CPNE4: variants seen among roughly 807,000 people sequenced by gnomAD.
CPNE4 encodes copine 4, also known as copine-4.
Under a neutral mutation model 67.9 loss-of-function variants are expected in CPNE4, and 25 were observed. The observed-to-expected ratio is 0.37, with a 90% CI of 0.27 to 0.51. The LOEUF (loss-of-function observed/expected upper bound fraction) is 0.51, where lower values mean the gene tolerates loss of function less well. CPNE4 is among the 20% of genes least tolerant of loss of function. The pLI, the probability that CPNE4 is intolerant of heterozygous loss-of-function variation, is 0.93. For missense variants in CPNE4, 464 were observed against 690.8 expected, an observed-to-expected ratio of 0.67 and a Z score of 3.68; for synonymous variants, 242 against 244.9, an observed-to-expected ratio of 0.99 and a Z score of 0.11.
intron 7 of CPNE4, among the ~76,000 whole-genome samples, chr3:131,659,277 A>T (rs1225122880): frequency 1.3e-5 from 2 of 151,770 alleles, no homozygotes; most frequent in South Asian, 4.2e-4. Flanking sequence ...CAGAATTTCT[A>T]CTCAGAATAA....
At chr3:131,749,483 T>C (rs1351930415) in intron 2 of CPNE4, among the ~76,000 whole-genome samples, 1 of 152,110 alleles carries the variant, frequency 6.6e-6, no homozygotes, top group Non-Finnish European at 1.5e-5. Flanking sequence ...TTGATAATGT[T>C]TTTGAGTTCT....
chr3:131,698,250 A>AAAAAAAG (rs1560135457), intron 4 of CPNE4, among the ~76,000 whole-genome samples: 3 of 141,000 alleles, frequency 2.1e-5, no homozygotes, highest in Non-Finnish European at 4.6e-5. Flanking sequence ...AAAAAAAAAA[A>AAAAAAAG]AAAGAAAGAA....
intron 2 of CPNE4, among the ~76,000 whole-genome samples, chr3:131,853,459 A>T (rs1191032629): frequency 2.6e-5 from 4 of 151,920 alleles, no homozygotes; most frequent in Admixed American, 1.3e-4. Flanking sequence ...CTAGAACTAT[A>T]AAATGTCAAG....
At chr3:131,641,706 C>A (rs114249380) in intron 7 of CPNE4, among the ~76,000 whole-genome samples, 2,356 of 152,240 alleles carry the variant, frequency 0.015, 35 homozygotes, top group South Asian at 0.046. Flanking sequence ...GATACCTGTA[C>A]ATGCATGTTT....
At chr3:131,585,957 G>T (rs891647912) in intron 8 of CPNE4, among the ~76,000 whole-genome samples, 2 of 152,116 alleles carry the variant, frequency 1.3e-5, no homozygotes, top group African/African-American at 4.8e-5. Flanking sequence ...TAAGTGGAAA[G>T]CTGCCATTGT....
chr3:131,735,778 T>A (rs2082220975), intron 2 of CPNE4, among the ~76,000 whole-genome samples: 1 of 151,112 alleles, frequency 6.6e-6, no homozygotes, highest in Non-Finnish European at 1.5e-5. Flanking sequence ...ACATACTGTT[T>A]GTTCAGTATT....
chr3:131,809,717 T>C lies in CPNE4; in HGVS notation c.181-86092A>G, dbSNP rs539269837. On this transcript the variant is annotated intron_variant, in intron 2 of 15. Transcript: ENST00000429747. ...AGCTTCAATGTTTATTTAATATGAA[T>C]GAGAAAAGGTAATATCACCTGATAG... Among the ~76,000 whole-genome samples, 9 of 152,232 alleles carry C rather than the reference T, an allele frequency of 5.9e-5. No individual in the cohort carries two copies. The East Asian group carries it at 1.7e-3, about 29-fold the overall frequency.
chr3:131,583,174 G>A (rs1343823092), intron 8 of CPNE4, among the ~76,000 whole-genome samples: 1 of 152,144 alleles, frequency 6.6e-6, no homozygotes, highest in African/African-American at 2.4e-5. Context: ...CAGACCCCTA[G>A]CCTTGTTTTT....
chr3:131,584,139 C>T (rs1038109824), intron 8 of CPNE4, among the ~76,000 whole-genome samples: 1 of 152,136 alleles, frequency 6.6e-6, no homozygotes, highest in Non-Finnish European at 1.5e-5. Flanking sequence ...GATGTTCTCT[C>T]CTCTTTTTTT....
intron 1 of CPNE4, among the ~76,000 whole-genome samples, chr3:131,917,190 T>C (rs2089211241): frequency 6.6e-6 from 1 of 152,214 alleles, no homozygotes; most frequent in South Asian, 2.1e-4. Context: ...CAGAATTTCT[T>C]TCTAACGTGG....
At chr3:131,608,760 T>C (rs1939653692) in intron 7 of CPNE4, among the ~76,000 whole-genome samples, 1 of 152,152 alleles carries the variant, frequency 6.6e-6, no homozygotes, top group African/African-American at 2.4e-5. Context: ...AAACACATAA[T>C]AAGAATCAAC....
chr3:131,757,502 G>A (rs530313474), intron 2 of CPNE4, among the ~76,000 whole-genome samples: 8 of 152,300 alleles, frequency 5.3e-5, no homozygotes, highest in Middle Eastern at 3.4e-3. Context: ...ATGTGACGTG[G>A]GTGCTGTTAA....
At chr3:131,758,518 G>A (rs568694165) in intron 2 of CPNE4, among the ~76,000 whole-genome samples, 12 of 152,240 alleles carry the variant, frequency 7.9e-5, no homozygotes, top group East Asian at 3.9e-4. Context: ...GCTCATAGGC[G>A]GAAGGGACTT....
intron 2 of CPNE4, among the ~76,000 whole-genome samples, chr3:131,735,204 C>G (rs919554739): frequency 6.6e-6 from 1 of 152,168 alleles, no homozygotes; most frequent in Admixed American, 6.5e-5. Flanking sequence ...CCCTATGGAA[C>G]TAGGCCATGC....
intron 6 of CPNE4, among the ~76,000 whole-genome samples, chr3:131,675,290 A>G (rs1367495908): frequency 6.6e-6 from 1 of 152,250 alleles, no homozygotes; most frequent in South Asian, 2.1e-4. Flanking sequence ...TTCTGCAGTC[A>G]TTAGTTGAAA....
chr3:131,763,109 G>A (rs552266377), intron 2 of CPNE4, among the ~76,000 whole-genome samples: 10 of 152,158 alleles, frequency 6.6e-5, no homozygotes, highest in African/African-American at 2.4e-4. Context: ...CCCCCAAGAA[G>A]TTCTGAGTTG....
intron 1 of CPNE4, among the ~76,000 whole-genome samples, chr3:131,934,151 A>C (rs1201872616): frequency 6.6e-6 from 1 of 152,134 alleles, no homozygotes; most frequent in Non-Finnish European, 1.5e-5. Flanking sequence ...ACTATGTTAA[A>C]TGCTGTTATG....
intron 3 of CPNE4, among the ~76,000 whole-genome samples, chr3:131,721,328 A>G (rs1226166178): frequency 6.7e-6 from 1 of 148,748 alleles, no homozygotes; most frequent in African/African-American, 2.5e-5. Flanking sequence ...AGATAAAATT[A>G]TCAAAGCTTT....
chr3:131,866,305 G>T (rs879552230), intron 2 of CPNE4, among the ~76,000 whole-genome samples: 3 of 152,214 alleles, frequency 2.0e-5, no homozygotes, highest in Non-Finnish European at 2.9e-5. Context: ...GAGCAAGGAA[G>T]TTATTGGCAT....
Sources: gnomAD v4.1 joint callset for allele counts (sites outside exome capture counted in the v4.1 genomes callset) on GRCh38, gnomAD v4.1.1 for gene constraint, MANE v1.5 for transcripts, NCBI Gene and HGNC (gene_info 2026-07-23, HGNC 2026-07-21) for gene names.